MS4A10: variants seen among roughly 807,000 people sequenced by gnomAD.
The protein encoded by MS4A10 is membrane-spanning 4-domains subfamily A member 10.
A neutral mutation model predicts 27.7 loss-of-function variants in MS4A10; 27 were observed. That is an observed-to-expected ratio of 0.98 (90% CI 0.72 to 1.35). MS4A10 has a LOEUF of 1.35. Ranked by LOEUF, MS4A10 falls within the 40% of genes most tolerant of loss-of-function variation. The pLI is 0.00. For synonymous variants in MS4A10, 139 were observed against 131.2 expected, an observed-to-expected ratio of 1.06 and a Z score of -0.41; for missense variants, 338 against 324.7, an observed-to-expected ratio of 1.04 and a Z score of -0.32.
intron 1 of MS4A10, 38 bp from the exon 2 acceptor site, chr11:60,790,276 T>C: frequency 1.9e-6 from 3 of 1,561,276 alleles, no homozygotes; most frequent in African/African-American, 2.7e-5. Flanking sequence ...GCCTCAGAAA[T>C]GAGACGGGTT....
chr11:60,800,799 T>C lies in MS4A10; in HGVS notation c.*890T>C, dbSNP rs1854621410. 9.3e-6 allele frequency: 1 copy of C among 107,236 alleles called. No homozygotes were observed. Among genetic ancestry groups the C allele is most frequent in the African/African-American group, 4.0e-5 (1 of 24,750 alleles). The allele number at this position is 107,236 out of a possible 1,614,324, so 6.6% of individuals were successfully genotyped here. A position where few individuals can be genotyped will look rare whatever the true frequency, so the allele number is the denominator to read the frequency against. ...CCCAGTCTTTCTTTTTTTTTTTTTT[T>C]TTTTTTTTTTTTGAGACGGAGTCTC... is the stretch of plus-strand genomic sequence containing the variant. On this transcript the variant is annotated 3_prime_UTR_variant, in exon 8 of 8. Coordinates refer to ENST00000308287, the MANE Select transcript of MS4A10 (RefSeq NM_206893.4).
Position 60,800,014 on chromosome 11 carries a change from G to A in MS4A10, c.*105G>A, listed in dbSNP as rs1854605878. 6.3e-7 allele frequency: 1 copy of A among 1,577,546 alleles called. No individual in the cohort carries two copies. On this transcript the variant is annotated 3_prime_UTR_variant, in exon 8 of 8. Coordinates refer to ENST00000308287, the MANE Select transcript of MS4A10 (RefSeq NM_206893.4). Reference sequence around the variant, plus strand: ...TGAGATTTGCACATACAAAAGGCTAGAGCGATGGTCTATACAGCAAAGTCA... The same window carrying A: ...TGAGATTTGCACATACAAAAGGCTAAAGCGATGGTCTATACAGCAAAGTCA...
At position 60,791,109 on chromosome 11, in the gene MS4A10, AAC is replaced by A; in HGVS notation, c.303+20_303+21del. On this transcript the variant is annotated intron_variant, in intron 3 of 7. Transcript: ENST00000308287. ...GGCTGCCTCTGTGAGTAGAAGGCAA[AAC>A]ACAGACCGGGTGTGGGAGTCTGCAA... 6.2e-7 allele frequency: 1 copy of A among 1,613,390 alleles called. No individual in the cohort carries two copies. The highest frequency in any genetic ancestry group is 8.5e-7 in the Non-Finnish European group (1 of 1,179,766).
chr11:60,788,711 C>A (rs1854378382), intron 1 of MS4A10, among the ~76,000 whole-genome samples: 1 of 152,196 alleles, frequency 6.6e-6, no homozygotes, highest in South Asian at 2.1e-4. Flanking sequence ...AAGAGGGAGA[C>A]CCTCTGCCCA....
chr11:60,788,713 C>T lies in MS4A10; in HGVS notation c.-22-1601C>T, dbSNP rs143021029. Among the ~76,000 whole-genome samples the T allele has an allele frequency of 2.0e-5, 3 of 152,336 alleles. No individual in the cohort carries two copies. In the East Asian group the frequency reaches 5.8e-4, roughly 29 times the overall value. The stretch of plus-strand genomic sequence containing the variant: ...CTGAAGCCCAGGAAAGAGGGAGACC[C>T]TCTGCCCACTCACCCCACTAAATCA... On this transcript the variant is annotated intron_variant, in intron 1 of 7. Transcript: ENST00000308287.
At chr11:60,792,741 C>T (rs1854452454) in intron 4 of MS4A10, among the ~76,000 whole-genome samples, 1 of 152,174 alleles carries the variant, frequency 6.6e-6, no homozygotes, top group South Asian at 2.1e-4. Flanking sequence ...GGTGGTCCTC[C>T]CTTTTCTGCC....
In MS4A10 at chr11:60,785,420, G is replaced by C. The variant is rs577048201; in HGVS notation, c.-24G>C. The C allele has an allele frequency of 6.6e-6, 1 of 152,446 alleles. No individual in the cohort carries two copies. Among genetic ancestry groups the C allele is most frequent in the Admixed American group, 6.5e-5 (1 of 15,300 alleles). 9.4% of individuals were successfully genotyped at this position (152,446 alleles called of 1,614,324 possible). A position where few individuals can be genotyped will look rare whatever the true frequency, so the allele number is the denominator to read the frequency against. ...CTCAGAGCTGCAGTCCCAGGTCCTG[G>C]GGTGAGTGGTCCCCCCATGGCAGGA... On this transcript the variant is annotated splice_region_variant and 5_prime_UTR_variant, in exon 1 of 8. Coordinates refer to ENST00000308287, the MANE Select transcript of MS4A10 (RefSeq NM_206893.4).
At position 60,790,515 on chromosome 11, in the gene MS4A10, G is replaced by A. The variant is rs951531600; in HGVS notation, c.180G>A (p.Leu60=). The part of the protein sequence containing the change: ...SQKKSSLLKE[L]GAFHITIALL... ...AGAAGAGCAGCCTTCTTAAGGAGCT[G>A]GGGGTGAGCATCCACTTCCCAGGGT... The change falls in exon 2 of 8, where the codon CTG becomes CTA. Residue 60 remains leucine, a synonymous_variant. Transcript: ENST00000308287. 3 of 1,613,938 alleles carry A rather than the reference G, an allele frequency of 1.9e-6. No individual in the cohort carries two copies. The African/African-American group carries it at 4.0e-5, about 22-fold the overall frequency.
Position 60,793,918 on chromosome 11 carries a change from T to C in MS4A10, c.361-54T>C, listed in dbSNP as rs558994991. On this transcript the variant is annotated intron_variant, in intron 4 of 7. Coordinates refer to ENST00000308287, the MANE Select transcript of MS4A10 (RefSeq NM_206893.4). The stretch of plus-strand genomic sequence containing the variant: ...TACTGGCAAGCATGAGGGGAGGACC[T>C]AGCCCCAGGTCTCCACCCTTTGGAC... 129 of 1,602,078 alleles carry C rather than the reference T, an allele frequency of 8.1e-5. 1 individual carries two copies. The South Asian group carries it at 1.3e-3, about 16-fold the overall frequency.
chr11:60,792,632 C>A (rs1268407280), intron 4 of MS4A10, among the ~76,000 whole-genome samples: 1 of 152,240 alleles, frequency 6.6e-6, no homozygotes, highest in East Asian at 1.9e-4. Context: ...CCTCTCAAAT[C>A]TACTGTGTCT....
At chr11:60,787,696 T>C (rs1470695022) in intron 1 of MS4A10, among the ~76,000 whole-genome samples, 2 of 151,960 alleles carry the variant, frequency 1.3e-5, no homozygotes, top group African/African-American at 2.4e-5. Flanking sequence ...ACCAATTGCA[T>C]AGAACCGTTA....
At chr11:60,790,841 G>A in intron 2 of MS4A10, 133 bp from the exon 3 acceptor site, 1 of 1,332,146 alleles carries the variant, frequency 7.5e-7, no homozygotes, top group South Asian at 1.4e-5. Flanking sequence ...GTCCTTCTTA[G>A]AGAGCCTGGT....
intron 4 of MS4A10, 96 bp downstream of exon 4, chr11:60,792,417 C>G: frequency 4.3e-6 from 4 of 935,004 alleles, no homozygotes; most frequent in Non-Finnish European, 7.0e-6. Context: ...GGGCACTTCT[C>G]CAGGACTTGC....
At position 60,795,637 on chromosome 11, in the gene MS4A10, C is replaced by G. The variant is rs749222157; in HGVS notation, c.575C>G (p.Ala192Gly). 219 of 1,591,868 alleles carry G rather than the reference C, an allele frequency of 1.4e-4. No individual in the cohort carries two copies. The highest frequency in any genetic ancestry group is 1.8e-4 in the Non-Finnish European group (211 of 1,169,128). Residue 192 changes from alanine (A) to glycine (G), a missense_variant, in exon 6 of 8, where the codon GCC becomes GGC. Coordinates refer to ENST00000308287, the MANE Select transcript of MS4A10 (RefSeq NM_206893.4). ...CTGCCAGTGCCCACAGCTGTCACAG[C>G]CTGGAGAGGGGACTGCCCATCTGCA... ...LFLPVPTAVT[A>G]WRGDCPSAKN...
intron 5 of MS4A10, 148 bp from the exon 6 acceptor site, chr11:60,795,407 C>A: frequency 4.3e-6 from 2 of 464,710 alleles, no homozygotes; most frequent in Non-Finnish European, 7.6e-6. Context: ...GAGACCCACC[C>A]TGCCTTCCCC....
In MS4A10 at chr11:60,799,847, G is replaced by C; in HGVS notation, c.742G>C (p.Val248Leu). 1.3e-6 allele frequency: 2 copies of C among 1,558,664 alleles called. No individual in the cohort carries two copies. The highest frequency in any genetic ancestry group is 1.8e-6 in the Non-Finnish European group (2 of 1,131,328). ...QHQRLREVKQ[V>L]APDTWIVTDG... is the part of the protein sequence containing the mutation. ...ATGCAGGCTCAGAGAAGTTAAGCAA[G>C]TTGCCCCGGACACATGGATAGTCAC... Residue 248 changes from valine (V) to leucine (L), a missense_variant, in exon 8 of 8, where the codon GTT (valine) becomes CTT (leucine). Physicochemically the swap from Val to Leu is conservative, Grantham distance 32. Coordinates refer to ENST00000308287, the MANE Select transcript of MS4A10 (RefSeq NM_206893.4).
At chr11:60,790,812 C>T (rs2134750203) in intron 2 of MS4A10, among the ~76,000 whole-genome samples, 162 bp from the exon 3 acceptor site, 1 of 152,312 alleles carries the variant, frequency 6.6e-6, no homozygotes, top group East Asian at 1.9e-4. Context: ...GCTCTTTCTG[C>T]AGGAAATCCT....
intron 1 of MS4A10, among the ~76,000 whole-genome samples, chr11:60,788,131 CAG>C (rs1474193911): frequency 6.6e-6 from 1 of 152,150 alleles, no homozygotes; most frequent in Non-Finnish European, 1.5e-5. Flanking sequence ...TAGAAAATCT[CAG>C]AGTCTTTAAT....
At chr11:60,786,179 A>ACG (rs60788590) in intron 1 of MS4A10, among the ~76,000 whole-genome samples, 3,653 of 145,570 alleles carry the variant, frequency 0.025, 142 homozygotes, top group African/African-American at 0.078. Flanking sequence ...ACATGCACAC[A>ACG]CACACACACG....
Sources: allele counts gnomAD v4.1 joint callset (sites outside exome capture counted in the v4.1 genomes callset), GRCh38; gene constraint gnomAD v4.1.1; transcripts MANE v1.5; gene names NCBI Gene and HGNC (gene_info 2026-07-23, HGNC 2026-07-21).